MYT1L: variants seen among roughly 807,000 people sequenced by gnomAD.
The protein encoded by MYT1L is myelin transcription factor 1 like.
MYT1L carries 12 observed loss-of-function variants against 126.7 expected under a neutral mutation model. The observed-to-expected ratio is 0.09, with a 90% confidence interval of 0.06 to 0.15. MYT1L has a LOEUF of 0.15. Ranked by LOEUF, MYT1L falls within the 10% of genes least tolerant of loss-of-function variation. The pLI, the probability that MYT1L is intolerant of heterozygous loss-of-function variation, is 1.00. For synonymous variants in MYT1L, 541 were observed against 604.2 expected, an observed-to-expected ratio of 0.90 and a Z score of 1.53; for missense variants, 979 against 1,585.2, an observed-to-expected ratio of 0.62 and a Z score of 6.49.
chr2:2,003,989 GCGTTCTTTCC>G (rs1558693982), intron 4 of MYT1L, among the ~76,000 whole-genome samples: 2 of 149,724 alleles, frequency 1.3e-5, no homozygotes, highest in Non-Finnish European at 3.0e-5. Context: ...TTTCCTGCAA[GCGTTCTTTCC>G]TGCATGCCTT....
chr2:2,275,252 C>T (rs1455338347), intron 2 of MYT1L, among the ~76,000 whole-genome samples: 1 of 122,568 alleles, frequency 8.2e-6, no homozygotes, highest in Non-Finnish European at 1.8e-5. Flanking sequence ...GTGTGCATGC[C>T]TGTTATAGCA....
At chr2:2,150,455 A>G (rs908900443) in intron 3 of MYT1L, among the ~76,000 whole-genome samples, 1 of 152,228 alleles carries the variant, frequency 6.6e-6, no homozygotes, top group African/African-American at 2.4e-5. Context: ...CTTGAAAAAA[A>G]TAAGTCAGTG....
intron 3 of MYT1L, among the ~76,000 whole-genome samples, chr2:2,068,237 G>A (rs2074114177): frequency 6.6e-6 from 1 of 152,088 alleles, no homozygotes; most frequent in South Asian, 2.1e-4. Flanking sequence ...CTGATACCCT[G>A]GCCAGCAGAG....
chr2:2,223,214 C>T (rs1467196543), intron 2 of MYT1L, among the ~76,000 whole-genome samples: 2 of 152,160 alleles, frequency 1.3e-5, no homozygotes, highest in East Asian at 1.9e-4. Context: ...ACCTGGTTAA[C>T]TCCTTTCTGA....
chr2:2,313,066 G>GAAATTACA (rs2096001952), intron 1 of MYT1L, among the ~76,000 whole-genome samples: 1 of 152,166 alleles, frequency 6.6e-6, no homozygotes, highest in African/African-American at 2.4e-5. Flanking sequence ...TAGAGCTGAA[G>GAAATTACA]AAATTACAAT....
chr2:2,211,179 G>C (rs985282035), intron 2 of MYT1L, among the ~76,000 whole-genome samples: 5 of 152,040 alleles, frequency 3.3e-5, no homozygotes, highest in Non-Finnish European at 7.4e-5. Context: ...AGGTATAATT[G>C]CTTATGCATG....
At position 2,227,120 on chromosome 2, in the gene MYT1L, C is replaced by T. The variant is rs561517160; in HGVS notation, c.-420-54132G>A. On this transcript the variant is annotated intron_variant, in intron 2 of 24. Coordinates refer to ENST00000647738, the MANE Select transcript of MYT1L (RefSeq NM_001303052.2). ...CTGGATCCCTTCCACCCTGGGGATG[C>T]GCTGTCCCGGCCTGCTTTTCCCCTT... Among the ~76,000 whole-genome samples the T allele has an allele frequency of 6.1e-4, 93 of 152,148 alleles. 1 individual carries two copies. The South Asian group carries it at 0.017, about 27-fold the overall frequency.
chr2:2,209,631 T>A (rs1275260701), intron 2 of MYT1L, among the ~76,000 whole-genome samples: 1 of 152,214 alleles, frequency 6.6e-6, no homozygotes, highest in Non-Finnish European at 1.5e-5. Flanking sequence ...CATATATTTT[T>A]AAATTTTTAA....
At chr2:2,215,801 G>A (rs574755076) in intron 2 of MYT1L, among the ~76,000 whole-genome samples, 14 of 152,232 alleles carry the variant, frequency 9.2e-5, no homozygotes, top group Admixed American at 2.6e-4. Context: ...CAAATCTCAC[G>A]TTGAATTGCA....
intron 4 of MYT1L, among the ~76,000 whole-genome samples, chr2:2,004,149 T>C (rs751047798): frequency 6.7e-6 from 1 of 149,908 alleles, no homozygotes; most frequent in Non-Finnish European, 1.5e-5. Context: ...CTGCATACGT[T>C]CTTTCCTGTG....
At chr2:2,208,119 A>G (rs1325233302) in intron 2 of MYT1L, among the ~76,000 whole-genome samples, 1 of 151,238 alleles carries the variant, frequency 6.6e-6, no homozygotes, top group Non-Finnish European at 1.5e-5. Context: ...AGTATCAACA[A>G]TCCAAGCAAG....
At chr2:2,015,847 G>A (rs1379315032) in intron 4 of MYT1L, among the ~76,000 whole-genome samples, 1 of 152,166 alleles carries the variant, frequency 6.6e-6, no homozygotes, top group Non-Finnish European at 1.5e-5. Context: ...TCTTGCAGAT[G>A]TTGTGTAACC....
At chr2:1,913,982 G>A (rs964407258) in intron 11 of MYT1L, among the ~76,000 whole-genome samples, 2 of 152,108 alleles carry the variant, frequency 1.3e-5, no homozygotes, top group South Asian at 2.1e-4. Context: ...CCTTCCGGGC[G>A]TGGTGGCTCA....
chr2:2,217,693 ACAACAACAACAAC>A lies in MYT1L; in HGVS notation c.-420-44718_-420-44706del, dbSNP rs1559366788. ...CTCAACAACAACAACAACAACAACA[ACAACAACAACAAC>A]AAAAAAAAAAAAAGAAAGAAGGAAA... On this transcript the variant is annotated intron_variant, in intron 2 of 24. Transcript: ENST00000647738. 3.7e-3 allele frequency among the ~76,000 whole-genome samples: 398 copies of A among 106,286 alleles called. 34 individuals are homozygous for A. Among genetic ancestry groups the A allele is most frequent in the African/African-American group, 0.016 (385 of 24,050 alleles). The allele number at this position is 106,286 out of a possible 152,430, so 69.7% of individuals were successfully genotyped here. A position where few individuals can be genotyped will look rare whatever the true frequency, so the allele number is the denominator to read the frequency against.
chr2:2,211,934 TTATAA>T (rs2093531653), intron 2 of MYT1L, among the ~76,000 whole-genome samples: 2 of 151,958 alleles, frequency 1.3e-5, no homozygotes, highest in African/African-American at 4.8e-5. Flanking sequence ...TTATAAAATA[TTATAA>T]TATAACTCTC....
At chr2:1,872,552 G>T (rs962124628) in intron 18 of MYT1L, among the ~76,000 whole-genome samples, 3 of 152,180 alleles carry the variant, frequency 2.0e-5, no homozygotes, top group African/African-American at 7.2e-5. Flanking sequence ...ATAAGGCAAA[G>T]ATATATTCGA....
chr2:1,976,186 C>T (rs976277288), intron 8 of MYT1L, among the ~76,000 whole-genome samples: 6 of 150,672 alleles, frequency 4.0e-5, no homozygotes, highest in Non-Finnish European at 5.9e-5. Flanking sequence ...ACTCTTTTGT[C>T]CTATTTAGAA....
rs1573558788 is a variant in MYT1L at position 1,917,874 on chromosome 2, A to T, written c.1484-535T>A. Among the ~76,000 whole-genome samples the T allele has an allele frequency of 1.3e-5, 2 of 152,340 alleles. No homozygotes were observed. The highest frequency in any genetic ancestry group is 4.1e-4 in the South Asian group (2 of 4,828). ...CGGAGGTCAAGTGACATTGTTTCGT[A>T]GCACACCAATTCAGCGCTTTTCTGA... On this transcript the variant is annotated intron_variant, in intron 10 of 24. Coordinates refer to ENST00000647738, the MANE Select transcript of MYT1L (RefSeq NM_001303052.2). The surrounding 1 kb of genome is among the most constrained non-coding windows in gnomAD (Gnocchi z 5.9).
At chr2:1,865,148 G>T (rs1054834481) in intron 18 of MYT1L, among the ~76,000 whole-genome samples, 2 of 152,174 alleles carry the variant, frequency 1.3e-5, no homozygotes, top group African/African-American at 4.8e-5. Context: ...TGAGTCCCTG[G>T]GCGTCTGTGT....
Sources: gnomAD v4.1 joint callset for allele counts (sites outside exome capture counted in the v4.1 genomes callset) on GRCh38, gnomAD v4.1.1 for gene constraint, Gnocchi (gnomAD v3.1) non-coding constraint, MANE v1.5 for transcripts, NCBI Gene and HGNC (gene_info 2026-07-23, HGNC 2026-07-21) for gene names.